SMARCE1: variants seen among roughly 807,000 people sequenced by gnomAD.
The protein encoded by SMARCE1 is SWI/SNF related BAF chromatin remodeling complex subunit E1.
In SMARCE1, 13 loss-of-function variants were observed where a neutral mutation model predicts 54.9. That is an observed-to-expected ratio of 0.24 (90% CI 0.15 to 0.38). The LOEUF (loss-of-function observed/expected upper bound fraction) is 0.38, where lower values mean the gene tolerates loss of function less well. SMARCE1 is among the 10% of genes least tolerant of loss of function. SMARCE1 has a pLI of 1.00. For missense variants in SMARCE1, 295 were observed against 523.8 expected (o/e 0.56, Z 4.26); for synonymous variants, 151 against 175.3 (o/e 0.86, Z 1.10).
In SMARCE1 at chr17:40,627,141, C is replaced by T. The variant is rs995243854; in HGVS notation, c.*1644G>A. 6.6e-6 allele frequency: 1 copy of T among 152,152 alleles called. No individual in the cohort carries two copies. Among genetic ancestry groups the T allele is most frequent in the Admixed American group, 6.5e-5 (1 of 15,276 alleles). The allele number at this position is 152,152 out of a possible 1,614,324, so 9.4% of individuals were successfully genotyped here. On this transcript the variant is annotated 3_prime_UTR_variant, in exon 11 of 11. Coordinates refer to ENST00000348513, the MANE Select transcript of SMARCE1 (RefSeq NM_003079.5). ...GAGATGAGATGGCTGAAGTTCTTAG[C>T]CAAATAATGGCCAAAGCTCAAAACA...
At position 40,630,694 on chromosome 17, in the gene SMARCE1, G is replaced by C; in HGVS notation, c.1027+20C>G. 6.2e-7 allele frequency: 1 copy of C among 1,602,418 alleles called. No individual in the cohort carries two copies. Among genetic ancestry groups the C allele is most frequent in the Non-Finnish European group, 8.6e-7 (1 of 1,169,442 alleles). On this transcript the variant is annotated intron_variant, in intron 10 of 10. Coordinates refer to ENST00000348513, the MANE Select transcript of SMARCE1 (RefSeq NM_003079.5). ...TACAAAGTCTTGGCACTGCCTCTGC[G>C]TTTGTTGCTAGTGGGTTACCTGTCT... is the stretch of plus-strand genomic sequence containing the variant.
intron 4 of SMARCE1, chr17:40,637,778 T>G (rs1413959912): frequency 1.8e-6 from 1 of 550,852 alleles, no homozygotes; most frequent in Non-Finnish European, 3.3e-6. Flanking sequence ...TACTTAGCAG[T>G]TTATTGCCAA....
chr17:40,632,107 G>C, intron 8 of SMARCE1, 88 bp downstream of exon 8: 1 of 1,016,134 alleles, frequency 9.8e-7, no homozygotes, highest in Non-Finnish European at 1.5e-6. Context: ...ATATTTAACA[G>C]GTAGATTTAG....
At chr17:40,636,224 C>CT in intron 6 of SMARCE1, 122 bp from the exon 7 acceptor site, 1 of 1,197,248 alleles carries the variant, frequency 8.4e-7, no homozygotes, top group South Asian at 1.5e-5. Flanking sequence ...TAATTATCTC[C>CT]TTTTTACAGG....
intron 6 of SMARCE1, 47 bp downstream of exon 6, chr17:40,636,348 T>G (rs765345808): frequency 6.4e-7 from 1 of 1,572,478 alleles, no homozygotes. Flanking sequence ...AGCCAATGTT[T>G]TATGTACTTT....
At chr17:40,633,455 AAG>A (rs1235548294) in intron 7 of SMARCE1, 2 of 152,264 alleles carry the variant, frequency 1.3e-5, no homozygotes, top group Non-Finnish European at 1.5e-5. Context: ...TAAAAAAAAA[AAG>A]AGCTTTCTCT....
In SMARCE1 at chr17:40,645,855, A is replaced by T; in HGVS notation, c.-45-8T>A. ...AAGAATGAATCTGAGACACTAAAATAAAAAAAAAAGGAAAAAAAAAAGAGA... is the reference window on the plus strand; with the variant it reads ...AAGAATGAATCTGAGACACTAAAATTAAAAAAAAAGGAAAAAAAAAAGAGA... On this transcript the variant is annotated splice_region_variant and splice_polypyrimidine_tract_variant and intron_variant, in intron 1 of 10. Coordinates refer to ENST00000348513, the MANE Select transcript of SMARCE1 (RefSeq NM_003079.5). 1 of 644,556 alleles carries T rather than the reference A, an allele frequency of 1.6e-6. No homozygotes were observed. Among genetic ancestry groups the T allele is most frequent in the Non-Finnish European group, 2.2e-6 (1 of 446,786 alleles). The allele number at this position is 644,556 out of a possible 1,614,324, so 39.9% of individuals were successfully genotyped here. A position where few individuals can be genotyped will look rare whatever the true frequency, so the allele number is the denominator to read the frequency against.
chr17:40,640,283 A>G (rs139155324), intron 4 of SMARCE1, among the ~76,000 whole-genome samples: 5 of 152,216 alleles, frequency 3.3e-5, no homozygotes, highest in Non-Finnish European at 5.9e-5. Context: ...TACTTAAGAG[A>G]ATGTTAATCA....
chr17:40,631,978 G>A (rs1222830537), intron 8 of SMARCE1: 12 of 548,278 alleles, frequency 2.2e-5, no homozygotes, highest in South Asian at 2.0e-4. Context: ...ATTTCTTAAC[G>A]AATATACTTT....
At chr17:40,640,449 C>T (rs1047995442) in intron 4 of SMARCE1, 6 of 152,220 alleles carry the variant, frequency 3.9e-5, no homozygotes, top group Non-Finnish European at 8.8e-5. Context: ...CTACAGCCTA[C>T]CACAAGCTAC....
chr17:40,630,985 AT>A, intron 9 of SMARCE1, 61 bp from the exon 10 acceptor site: 2 of 1,423,362 alleles, frequency 1.4e-6, no homozygotes, highest in African/African-American at 1.4e-5. Context: ...AGCCAGATAT[AT>A]TCTTTCAAAA....
intron 9 of SMARCE1, 190 bp from the exon 10 acceptor site, chr17:40,631,114 A>T (rs2037090522): frequency 1.8e-6 from 1 of 562,922 alleles, no homozygotes; most frequent in Non-Finnish European, 3.1e-6. Flanking sequence ...TACAAGAAAA[A>T]ACAGCAGCTC....
In SMARCE1 at chr17:40,630,723, T is replaced by A; in HGVS notation, c.1018A>T (p.Met340Leu). The A allele has an allele frequency of 1.9e-6, 3 of 1,614,008 alleles. No individual in the cohort carries two copies. Among genetic ancestry groups the A allele is most frequent in the Middle Eastern group, 1.6e-4 (1 of 6,062 alleles). Reference sequence around the variant, plus strand: ...GTTGCTAGTGGGTTACCTGTCTCCATCGGAATGTTCTCGTCGTCTTTCTTC... The same window carrying A: ...GTTGCTAGTGGGTTACCTGTCTCCAACGGAATGTTCTCGTCGTCTTTCTTC... ...EEKKDDENIP[M>L]ETEETHLEET... The change falls in exon 10 of 11, where the codon ATG becomes TTG. Residue 340 changes from methionine (M) to leucine (L), a missense_variant. This residue lies in a region of SMARCE1 where 147 missense variants were observed against 161.4 expected (regional missense o/e 0.91). Coordinates refer to ENST00000348513, the MANE Select transcript of SMARCE1 (RefSeq NM_003079.5).
chr17:40,630,250 G>C, intron 10 of SMARCE1: 2 of 1,545,140 alleles, frequency 1.3e-6, no homozygotes, highest in Non-Finnish European at 1.8e-6. Context: ...ATACCTAGAA[G>C]TAAGGGTTTT....
chr17:40,644,730 T>TAA (rs2037236775), intron 3 of SMARCE1: 1 of 152,136 alleles, frequency 6.6e-6, no homozygotes, highest in Non-Finnish European at 1.5e-5. Context: ...CACAAGGACC[T>TAA]AATTAGTAGT....
chr17:40,638,404 A>G (rs1165459294), intron 4 of SMARCE1, among the ~76,000 whole-genome samples: 1 of 152,182 alleles, frequency 6.6e-6, no homozygotes, highest in Admixed American at 6.5e-5. Context: ...GAGACAGAAG[A>G]AAAGGAGGCG....
chr17:40,641,052 CATAG>C (rs2037194671), intron 4 of SMARCE1: 1 of 152,160 alleles, frequency 6.6e-6, no homozygotes, highest in Non-Finnish European at 1.5e-5. Context: ...ATTCCATTAA[CATAG>C]ATAATCAAGA....
intron 3 of SMARCE1, chr17:40,643,641 T>C (rs2144011168): frequency 6.6e-6 from 1 of 152,376 alleles, no homozygotes; most frequent in East Asian, 1.9e-4. Context: ...TTACATGCAA[T>C]TAACAATATC....
rs2037048507 is a variant in SMARCE1, at chr17:40,627,609, A to G, written c.*1176T>C. 6.6e-6 allele frequency: 1 copy of G among 152,630 alleles called. No homozygotes were observed. The highest frequency in any genetic ancestry group is 1.5e-5 in the Non-Finnish European group (1 of 68,032). The allele number at this position is 152,630 out of a possible 1,614,324, so 9.5% of individuals were successfully genotyped here. On this transcript the variant is annotated 3_prime_UTR_variant, in exon 11 of 11. Coordinates refer to ENST00000348513, the MANE Select transcript of SMARCE1 (RefSeq NM_003079.5). ...ACAAGGGCCCTGAGTACACAAATTT[A>G]TAATGGCTGAGTGGTCATTCCACAC...
Sources: gnomAD v4.1 joint callset for allele counts (sites outside exome capture counted in the v4.1 genomes callset) on GRCh38, gnomAD v4.1.1 for gene constraint, gnomAD v4.1.1 regional missense constraint, MANE v1.5 for transcripts, NCBI Gene and HGNC (gene_info 2026-07-23, HGNC 2026-07-21) for gene names.